The following AOAH variants were observed in gnomAD, a reference collection of about 807,000 sequenced individuals.
The protein encoded by AOAH is acyloxyacyl hydrolase.
AOAH carries 64 observed loss-of-function variants against 92.2 expected under a neutral mutation model. The ratio of observed to expected loss-of-function variants is 0.69; its 90% confidence interval spans 0.57 to 0.86. AOAH has a LOEUF of 0.86. Among genes scored for constraint, AOAH ranks in the 40% least tolerant of loss-of-function variants. The pLI, the probability that AOAH is intolerant of heterozygous loss-of-function variation, is 0.00. For missense variants in AOAH, 656 were observed against 694.6 expected, an observed-to-expected ratio of 0.94 and a Z score of 0.62; for synonymous variants, 263 against 254.5, an observed-to-expected ratio of 1.03 and a Z score of -0.32.
chr7:36,547,237 T>C (rs905549821), intron 15 of AOAH, among the ~76,000 whole-genome samples: 3 of 152,206 alleles, frequency 2.0e-5, no homozygotes, highest in African/African-American at 7.2e-5. Context: ...GTGCCCAGAA[T>C]GTAGCCTTGG....
At chr7:36,654,711 T>C (rs569585141) in intron 4 of AOAH, among the ~76,000 whole-genome samples, 1 of 152,264 alleles carries the variant, frequency 6.6e-6, no homozygotes, top group Admixed American at 6.5e-5. Flanking sequence ...AAGCCAGACA[T>C]AGAGCGTGCA....
intron 2 of AOAH, among the ~76,000 whole-genome samples, chr7:36,682,448 T>A (rs1228557395): frequency 6.6e-6 from 1 of 152,062 alleles, no homozygotes; most frequent in Non-Finnish European, 1.5e-5. Flanking sequence ...TCAACTCCCA[T>A]ACAAAGTTAT....
intron 20 of AOAH, among the ~76,000 whole-genome samples, chr7:36,517,225 TGTCTCTCTCTCTCTCTCTC>T (rs1783819128): frequency 1.4e-5 from 1 of 71,008 alleles, no homozygotes; most frequent in African/African-American, 3.6e-5. Flanking sequence ...TCTTTCTTTC[TGTCTCTCTCTCTCTCTCTC>T]TTTCTTTCTG....
At chr7:36,530,668 T>C in intron 18 of AOAH, 154 bp from the exon 19 acceptor site, 1 of 575,520 alleles carries the variant, frequency 1.7e-6, no homozygotes, top group South Asian at 2.2e-5. Flanking sequence ...CATTAAATTC[T>C]AGTCACGTAC....
At chr7:36,668,642 A>G (rs751465317) in intron 3 of AOAH, among the ~76,000 whole-genome samples, 23 of 152,168 alleles carry the variant, frequency 1.5e-4, no homozygotes, top group Non-Finnish European at 2.5e-4. Context: ...GTGCACCGCC[A>G]CCCCCGGCTA....
At chr7:36,598,821 T>G (rs1790335606) in intron 11 of AOAH, among the ~76,000 whole-genome samples, 1 of 152,244 alleles carries the variant, frequency 6.6e-6, no homozygotes, top group African/African-American at 2.4e-5. Context: ...ACTAAAAGCC[T>G]TATTCACGCA....
chr7:36,656,736 T>C (rs1459096135), intron 4 of AOAH, among the ~76,000 whole-genome samples: 3 of 151,018 alleles, frequency 2.0e-5, no homozygotes, highest in Non-Finnish European at 2.9e-5. Context: ...CCCTGTGCCA[T>C]CTGGATGGTT....
At position 36,689,361 on chromosome 7, in the gene AOAH, A is replaced by G. The variant is rs571950218; in HGVS notation, c.128-2567T>C. Among the ~76,000 whole-genome samples the G allele has an allele frequency of 2.0e-4, 31 of 152,312 alleles. 1 individual carries two copies. The South Asian group carries it at 6.0e-3, about 30-fold the overall frequency. On this transcript the variant is annotated intron_variant, in intron 1 of 20. Transcript: ENST00000617537. Reference sequence around the variant, plus strand: ...ACCTGAGACTGTGTAATTTCTAATAATAGAAATTCATTTCTCATAGTTTTG... The same window carrying G: ...ACCTGAGACTGTGTAATTTCTAATAGTAGAAATTCATTTCTCATAGTTTTG...
At chr7:36,528,808 C>G (rs917759093) in intron 19 of AOAH, among the ~76,000 whole-genome samples, 5 of 152,112 alleles carry the variant, frequency 3.3e-5, no homozygotes, top group Non-Finnish European at 5.9e-5. Context: ...TGCAATGTTG[C>G]CCAGGCTGGT....
At chr7:36,570,196 C>T (rs1453681635) in intron 13 of AOAH, among the ~76,000 whole-genome samples, 1 of 152,152 alleles carries the variant, frequency 6.6e-6, no homozygotes, top group Non-Finnish European at 1.5e-5. Context: ...TACTGGCAAC[C>T]ACCATTCTAC....
chr7:36,565,753 T>G (rs1053607703), intron 13 of AOAH, among the ~76,000 whole-genome samples: 2 of 151,994 alleles, frequency 1.3e-5, no homozygotes, highest in African/African-American at 2.4e-5. Context: ...ATGCGCAGAC[T>G]TGTCTTGAAC....
chr7:36,695,433 A>C (rs6462698), intron 1 of AOAH, among the ~76,000 whole-genome samples: 88,386 of 151,874 alleles, frequency 0.58, 25,986 homozygotes, highest in East Asian at 0.83. Context: ...GTGTTTCAGG[A>C]TGTCTGCTAG....
At chr7:36,573,686 C>A (rs751306187) in intron 13 of AOAH, among the ~76,000 whole-genome samples, 1 of 152,114 alleles carries the variant, frequency 6.6e-6, no homozygotes, top group Non-Finnish European at 1.5e-5. Context: ...CCACTGCACT[C>A]CAGCCTGGGC....
chr7:36,648,368 A>G (rs542675392), intron 4 of AOAH, among the ~76,000 whole-genome samples: 1 of 152,176 alleles, frequency 6.6e-6, no homozygotes, highest in East Asian at 1.9e-4. Flanking sequence ...CTAAATTTTC[A>G]GTCCTTTGAT....
intron 2 of AOAH, among the ~76,000 whole-genome samples, chr7:36,674,973 G>A (rs1326140234): frequency 4.6e-5 from 7 of 152,196 alleles, no homozygotes; most frequent in South Asian, 2.1e-4. Flanking sequence ...CACTGTGCTC[G>A]GCTGGGTGCA....
intron 2 of AOAH, among the ~76,000 whole-genome samples, chr7:36,684,899 C>G (rs769781937): frequency 1.2e-5 from 1 of 85,824 alleles, no homozygotes; most frequent in East Asian, 3.8e-4. Context: ...AGACTGAGAC[C>G]TTGTCTCAAA....
intron 1 of AOAH, among the ~76,000 whole-genome samples, chr7:36,690,753 C>A (rs542920068): frequency 1.3e-5 from 2 of 152,228 alleles, no homozygotes; most frequent in East Asian, 3.9e-4. Flanking sequence ...TCTCTTCTCA[C>A]CTGGTATCTG....
At chr7:36,556,102 C>CT (rs1158877421) in intron 13 of AOAH, among the ~76,000 whole-genome samples, 19 of 152,048 alleles carry the variant, frequency 1.2e-4, no homozygotes, top group Non-Finnish European at 1.5e-4. Context: ...ATCTTTCCTG[C>CT]TTTCTCTTGT....
intron 1 of AOAH, among the ~76,000 whole-genome samples, chr7:36,712,111 T>A (rs941696318): frequency 6.6e-6 from 1 of 152,180 alleles, no homozygotes; most frequent in African/African-American, 2.4e-5. Flanking sequence ...TGTGTCTAAG[T>A]CGTGATAATA....
Sources: allele counts gnomAD v4.1 joint callset (sites outside exome capture counted in the v4.1 genomes callset), GRCh38; gene constraint gnomAD v4.1.1; transcripts MANE v1.5; gene names NCBI Gene and HGNC (gene_info 2026-07-23, HGNC 2026-07-21).